Variants in TRMT5 observed in about 807,000 individuals in gnomAD.
TRMT5 encodes tRNA (guanine(37)-N(1))-methyltransferase.
TRMT5 carries 31 observed loss-of-function variants against 42.2 expected under a neutral mutation model. The ratio of observed to expected loss-of-function variants is 0.73; its 90% CI spans 0.55 to 0.99. The LOEUF (loss-of-function observed/expected upper bound fraction) is 0.99, where lower values mean the gene tolerates loss of function less well. Ranked by LOEUF, TRMT5 falls within the 50% of genes least tolerant of loss-of-function variation. The probability of loss-of-function intolerance (pLI) is 0.00; values close to 1 mark genes in which losing one functional copy is unlikely to be tolerated. For synonymous variants in TRMT5, 198 were observed against 209.6 expected (o/e 0.94, Z 0.48); for missense variants, 568 against 595.0 (o/e 0.95, Z 0.47).
In TRMT5 at chr14:60,974,199, C is replaced by T. The variant is rs539453813; in HGVS notation, c.*910G>A. 6.6e-6 allele frequency: 1 copy of T among 152,344 alleles called. No homozygotes were observed. Among genetic ancestry groups the T allele is most frequent in the South Asian group, 2.1e-4 (1 of 4,832 alleles). 9.4% of individuals were successfully genotyped at this position (152,344 alleles called of 1,614,324 possible). ...GGGTTCATGTGATATACATGGCACT[C>T]AAAATGCTGTCGTTACAACCACATC... On this transcript the variant is annotated 3_prime_UTR_variant, in exon 5 of 5. Coordinates refer to ENST00000261249, the MANE Select transcript of TRMT5 (RefSeq NM_020810.3).
At chr14:60,979,960 A>C (rs2036921116) in intron 1 of TRMT5, 74 bp from the exon 2 acceptor site, 1 of 1,438,040 alleles carries the variant, frequency 7.0e-7, no homozygotes, top group South Asian at 1.4e-5. Context: ...TATCTCAAAT[A>C]ACGGGCTAAA....
At chr14:60,981,117 A>C (rs537168893), upstream of TRMT5, 2 of 1,574,596 alleles carry the variant, frequency 1.3e-6, no homozygotes, top group African/African-American at 1.4e-5. Flanking sequence ...GGCGCGCGTC[A>C]TCAGATCAAG....
rs1418248001 is a variant in TRMT5, at chr14:60,972,795, TCATA to T, written c.*2310_*2313del. 1 of 176,380 alleles carries T rather than the reference TCATA, an allele frequency of 5.7e-6. No homozygotes were observed. The highest frequency in any genetic ancestry group is 1.2e-5 in the Non-Finnish European group (1 of 83,960). The allele number at this position is 176,380 out of a possible 1,614,324, so 10.9% of individuals were successfully genotyped here. A position where few individuals can be genotyped will look rare whatever the true frequency, so the allele number is the denominator to read the frequency against. ...ACATTTCATCTTTAAAAATGTCTTC[TCATA>T]CAGATAGGTATTGCCAAATACTGCT... On this transcript the variant is annotated 3_prime_UTR_variant, in exon 5 of 5. Transcript: ENST00000261249.
At position 60,977,255 on chromosome 14, in the gene TRMT5, G is replaced by A. The variant is rs143234599; in HGVS notation, c.792+259C>T. Among the ~76,000 whole-genome samples, 430 of 152,084 alleles carry A rather than the reference G, an allele frequency of 2.8e-3. 2 individuals carry two copies. The highest frequency in any genetic ancestry group is 3.2e-3 in the Non-Finnish European group (215 of 67,958). The stretch of plus-strand genomic sequence containing the variant: ...GGCAATTGTCCATTGTCAACCTATC[G>A]ATGGACAACTTATTTTAACAAATAT... On this transcript the variant is annotated intron_variant, in intron 3 of 4. Coordinates refer to ENST00000261249, the MANE Select transcript of TRMT5 (RefSeq NM_020810.3).
intron 1 of TRMT5, chr14:60,980,754 T>C: frequency 4.3e-6 from 3 of 705,338 alleles, no homozygotes; most frequent in Non-Finnish European, 7.0e-6. Context: ...GATAAATTAC[T>C]ATAAGTCTCG....
Position 60,973,410 on chromosome 14 carries a change from T to C in TRMT5, c.*1699A>G, listed in dbSNP as rs190023950. On this transcript the variant is annotated 3_prime_UTR_variant, in exon 5 of 5. Coordinates refer to ENST00000261249, the MANE Select transcript of TRMT5 (RefSeq NM_020810.3). ...CATGGCGAAGGCAGGAGCAAGAGAG[T>C]GTGGGGGGCGAGTGCCACATACTTT... 6.6e-6 allele frequency: 1 copy of C among 152,110 alleles called. No individual in the cohort carries two copies. Among genetic ancestry groups the C allele is most frequent in the East Asian group, 1.9e-4 (1 of 5,174 alleles). 9.4% of individuals were successfully genotyped at this position (152,110 alleles called of 1,614,324 possible).
upstream of TRMT5, chr14:60,981,179 G>A (rs1454767682): frequency 2.0e-6 from 3 of 1,535,108 alleles, no homozygotes; most frequent in African/African-American, 1.4e-5. Flanking sequence ...ATGCCGGAAG[G>A]GCCGGGCTCA....
Position 60,979,409 on chromosome 14 carries a change from A to G in TRMT5, c.489T>C (p.Asn163=), listed in dbSNP as rs374833028. ...TGTATTTAGAGATCTGTGGACTGAC[A>G]TTAAGCTGCTCTAAAACACTGAGTT... is the stretch of plus-strand genomic sequence containing the variant. ...KAELSVLEQL[N]VSPQISKYNL... Residue 163 remains asparagine (N), a synonymous_variant, in exon 2 of 5, where the codon AAT becomes AAC. Coordinates refer to ENST00000261249, the MANE Select transcript of TRMT5 (RefSeq NM_020810.3). The G allele has an allele frequency of 6.2e-7, 1 of 1,614,168 alleles. No homozygotes were observed. The highest frequency in any genetic ancestry group is 8.5e-7 in the Non-Finnish European group (1 of 1,180,012).
rs2036786749 is a variant in TRMT5, at chr14:60,972,305, T to A, written c.*2804A>T. 1 of 538,820 alleles carries A rather than the reference T, an allele frequency of 1.9e-6. No homozygotes were observed. Among genetic ancestry groups the A allele is most frequent in the Non-Finnish European group, 3.7e-6 (1 of 268,872 alleles). 33.4% of individuals were successfully genotyped at this position (538,820 alleles called of 1,614,324 possible). On this transcript the variant is annotated 3_prime_UTR_variant, in exon 5 of 5. Transcript: ENST00000261249. The stretch of plus-strand genomic sequence containing the variant: ...CAGCATCAGCTTTTCTCTTTTTCCC[T>A]TTGGGTACCTTCTCTCCCTTCTTTG...
upstream of TRMT5, chr14:60,981,346 A>T (rs2036995123): frequency 6.2e-7 from 1 of 1,609,904 alleles, no homozygotes; most frequent in Non-Finnish European, 8.5e-7. Context: ...AGCCTGAAGA[A>T]GCGGAGGCCG....
chr14:60,971,776 C>A lies in TRMT5; in HGVS notation c.*3333G>T, dbSNP rs2036776600. 6.3e-6 allele frequency: 1 copy of A among 159,926 alleles called. No individual in the cohort carries two copies. Among genetic ancestry groups the A allele is most frequent in the African/African-American group, 2.4e-5 (1 of 41,492 alleles). The allele number at this position is 159,926 out of a possible 1,614,324, so 9.9% of individuals were successfully genotyped here. A position where few individuals can be genotyped will look rare whatever the true frequency, so the allele number is the denominator to read the frequency against. ...AGAAATGGAACCACTGCTCTTTTGA[C>A]AGGTGCCATCTCAGTGGCATCACTG... On this transcript the variant is annotated 3_prime_UTR_variant, in exon 5 of 5. Coordinates refer to ENST00000261249, the MANE Select transcript of TRMT5 (RefSeq NM_020810.3).
chr14:60,981,441 G>A (rs557024587), upstream of TRMT5: 9 of 1,548,744 alleles, frequency 5.8e-6, no homozygotes, highest in East Asian at 2.0e-4. Context: ...TCAAGTGCCT[G>A]CCAAATAAGA....
At position 60,979,627 on chromosome 14, in the gene TRMT5, TA is replaced by T. The variant is rs1443616611; in HGVS notation, c.270del (p.Phe90LeufsTer12). ...AGCACTGGAATGTTGACTGTCTTTT[TA>T]AAAGCTGTTCTATCAAGTTTTGTCA... ...RGMTKLDRTA[F>X]KKTVNIPVLK... On this transcript the variant is annotated frameshift_variant, in exon 2 of 5. Coordinates refer to ENST00000261249, the MANE Select transcript of TRMT5 (RefSeq NM_020810.3). LOFTEE classifies it high-confidence loss of function. The T allele has an allele frequency of 3.7e-6, 6 of 1,614,182 alleles. No individual in the cohort carries two copies. Among genetic ancestry groups the T allele is most frequent in the African/African-American group, 2.7e-5 (2 of 75,062 alleles).
rs938445956 is a variant in TRMT5, at chr14:60,973,837, T to C, written c.*1272A>G. ...ATCCAAACATAATTAATTCACACCA[T>C]CAATAAATGGCTTTGCTTGGCTAAC... On this transcript the variant is annotated 3_prime_UTR_variant, in exon 5 of 5. Transcript: ENST00000261249. 10 of 152,330 alleles carry C rather than the reference T, an allele frequency of 6.6e-5. No individual in the cohort carries two copies. The South Asian group carries it at 2.1e-3, about 32-fold the overall frequency. The allele number at this position is 152,330 out of a possible 1,614,324, so 9.4% of individuals were successfully genotyped here. A position where few individuals can be genotyped will look rare whatever the true frequency, so the allele number is the denominator to read the frequency against.
rs1187716844 is a variant in TRMT5 at position 60,979,905 on chromosome 14, A to C, written c.12-19T>G. On this transcript the variant is annotated intron_variant, in intron 1 of 4. Coordinates refer to ENST00000261249, the MANE Select transcript of TRMT5 (RefSeq NM_020810.3). ...TAAGATCCTTAAAAAAAAAAAAAAAAAATTCACACACGACAGCTTTTGAGA... is the reference window on the plus strand; with the variant it reads ...TAAGATCCTTAAAAAAAAAAAAAAACAATTCACACACGACAGCTTTTGAGA... 6.5e-7 allele frequency: 1 copy of C among 1,529,318 alleles called. No individual in the cohort carries two copies. The highest frequency in any genetic ancestry group is 8.7e-7 in the Non-Finnish European group (1 of 1,148,486). The allele number at this position is 1,529,318 out of a possible 1,614,324, so 94.7% of individuals were successfully genotyped here.
Position 60,972,187 on chromosome 14 carries a change from A to G in TRMT5, c.*2922T>C, listed in dbSNP as rs1225554698. 13 of 455,510 alleles carry G rather than the reference A, an allele frequency of 2.9e-5. No individual in the cohort carries two copies. Among genetic ancestry groups the G allele is most frequent in the Non-Finnish European group, 8.4e-6 (2 of 236,990 alleles). The allele number at this position is 455,510 out of a possible 1,614,324, so 28.2% of individuals were successfully genotyped here. ...ATTCTGCATTTTTATAAAACTTGAT[A>G]AAGAATATTTCAAACTGTACAGTCA... On this transcript the variant is annotated 3_prime_UTR_variant, in exon 5 of 5. Coordinates refer to ENST00000261249, the MANE Select transcript of TRMT5 (RefSeq NM_020810.3).
Position 60,977,642 on chromosome 14 carries a change from A to G in TRMT5, c.668-4T>C. Reference sequence around the variant, plus strand: ...TTTTTGTCAATCATAACCTGGCCTAAAAGAAAAAATGAAAATCCATAATAC... The same window carrying G: ...TTTTTGTCAATCATAACCTGGCCTAGAAGAAAAAATGAAAATCCATAATAC... On this transcript the variant is annotated splice_polypyrimidine_tract_variant and splice_region_variant and intron_variant, in intron 2 of 4. Coordinates refer to ENST00000261249, the MANE Select transcript of TRMT5 (RefSeq NM_020810.3). 3 of 1,590,120 alleles carry G rather than the reference A, an allele frequency of 1.9e-6. No homozygotes were observed. Among genetic ancestry groups the G allele is most frequent in the Non-Finnish European group, 2.6e-6 (3 of 1,170,916 alleles).
At chr14:60,976,249 G>A in intron 3 of TRMT5, 123 bp from the exon 4 acceptor site, 2 of 1,129,672 alleles carry the variant, frequency 1.8e-6, no homozygotes, top group Non-Finnish European at 2.5e-6. Flanking sequence ...TACTGTAAGA[G>A]CCAAACAACA....
At chr14:60,977,044 TC>T (rs2036857179) in intron 3 of TRMT5, among the ~76,000 whole-genome samples, 2 of 152,134 alleles carry the variant, frequency 1.3e-5, no homozygotes, top group Admixed American at 1.3e-4. Context: ...ATATTTTTTT[TC>T]CTTCTCCCAA....
Sources: allele counts gnomAD v4.1 joint callset (sites outside exome capture counted in the v4.1 genomes callset), GRCh38; gene constraint gnomAD v4.1.1; transcripts MANE v1.5; gene names NCBI Gene and HGNC (gene_info 2026-07-23, HGNC 2026-07-21).